Variants in HECW2 observed in about 807,000 individuals in gnomAD.
HECW2 encodes the protein HECT, C2 and WW domain containing E3 ubiquitin protein ligase 2.
A neutral mutation model predicts 175.2 loss-of-function variants in HECW2; 61 were observed. That is an observed-to-expected ratio of 0.35 (90% CI 0.28 to 0.43). The LOEUF (loss-of-function observed/expected upper bound fraction) is 0.43, where lower values mean the gene tolerates loss of function less well. Ranked by LOEUF, HECW2 falls within the 20% of genes least tolerant of loss-of-function variation. HECW2 has a pLI of 1.00. For missense variants in HECW2, 1,524 were observed against 2,000.5 expected (o/e 0.76, Z 4.54); for synonymous variants, 671 against 731.0 (o/e 0.92, Z 1.32).
At chr2:196,437,965 G>A (rs1695931592) in intron 1 of HECW2, among the ~76,000 whole-genome samples, 1 of 152,220 alleles carries the variant, frequency 6.6e-6, no homozygotes, top group Non-Finnish European at 1.5e-5. Flanking sequence ...GGATGGCGAA[G>A]AGGAGGCATG....
At chr2:196,430,929 C>T (rs116945200) in intron 2 of HECW2, among the ~76,000 whole-genome samples, 3 of 152,074 alleles carry the variant, frequency 2.0e-5, no homozygotes, top group East Asian at 3.9e-4. Flanking sequence ...CATTAACTTA[C>T]GAAGCTCAGA....
At chr2:196,546,946 G>GA (rs1402028193) in intron 1 of HECW2, among the ~76,000 whole-genome samples, 4 of 152,010 alleles carry the variant, frequency 2.6e-5, no homozygotes, top group African/African-American at 9.7e-5. Context: ...AGAGGAGAAG[G>GA]AAAAGACACA....
intron 1 of HECW2, among the ~76,000 whole-genome samples, chr2:196,531,537 C>A (rs182641944): frequency 6.6e-6 from 1 of 151,724 alleles, no homozygotes; most frequent in Admixed American, 6.6e-5. Context: ...TGATGGGCAC[C>A]GGTAATCCCA....
intron 16 of HECW2, among the ~76,000 whole-genome samples, chr2:196,272,850 T>C (rs1295104060): frequency 1.3e-5 from 2 of 151,806 alleles, no homozygotes; most frequent in African/African-American, 4.8e-5. Context: ...TATAGTGCTT[T>C]AAAATTCCAT....
intron 14 of HECW2, among the ~76,000 whole-genome samples, chr2:196,284,939 TAA>T (rs1690328062): frequency 6.6e-6 from 1 of 152,204 alleles, no homozygotes. Context: ...TCCCTAATGC[TAA>T]GTTTCATTAA....
rs541655982 is a variant in HECW2, at chr2:196,292,723, T to C, written c.2842A>G (p.Thr948Ala). 6.2e-7 allele frequency: 1 copy of C among 1,613,630 alleles called. No homozygotes were observed. Among genetic ancestry groups the C allele is most frequent in the African/African-American group, 1.3e-5 (1 of 75,046 alleles). Residue 948 changes from threonine (T) to alanine (A), a missense_variant, in exon 14 of 29, where the codon ACG becomes GCG. Physicochemically the swap from Thr to Ala is moderately conservative, Grantham distance 58 (BLOSUM62 0). This residue lies in a region of HECW2 where 291 missense variants were observed against 412.2 expected (regional missense o/e 0.71). Coordinates refer to ENST00000644978, the MANE Select transcript of HECW2 (RefSeq NM_001348768.2). ...TTGGTGATCATGTGCTTCAAACACG[T>C]GTTGTTTGTAAACATGCGGTAGGCA... is the stretch of plus-strand genomic sequence containing the variant. ...PSAYRMFTNN[T>A]CLKHMITKVR...
intron 1 of HECW2, among the ~76,000 whole-genome samples, chr2:196,521,754 T>C (rs1409536229): frequency 2.0e-5 from 3 of 150,124 alleles, no homozygotes; most frequent in Admixed American, 6.6e-5. Flanking sequence ...GTTCTTGTGA[T>C]AGTTTACTGA....
At chr2:196,578,995 T>C (rs138483639) in intron 1 of HECW2, among the ~76,000 whole-genome samples, 1,914 of 152,274 alleles carry the variant, frequency 0.013, 40 homozygotes, top group African/African-American at 0.044. Context: ...TAAATGACAA[T>C]TGCATAAAGC....
intron 1 of HECW2, among the ~76,000 whole-genome samples, chr2:196,537,039 A>G (rs893112151): frequency 6.6e-6 from 1 of 152,172 alleles, no homozygotes; most frequent in South Asian, 2.1e-4. Flanking sequence ...TTTCTGTTCA[A>G]TTTTGCCTAA....
At chr2:196,305,619 T>A (rs557370267) in intron 13 of HECW2, among the ~76,000 whole-genome samples, 5 of 152,168 alleles carry the variant, frequency 3.3e-5, no homozygotes, top group Non-Finnish European at 7.4e-5. Flanking sequence ...CGAATTTTCC[T>A]AGTATTATTA....
At chr2:196,301,888 T>C (rs1480795521) in intron 13 of HECW2, among the ~76,000 whole-genome samples, 1 of 152,212 alleles carries the variant, frequency 6.6e-6, no homozygotes, top group Non-Finnish European at 1.5e-5. Flanking sequence ...TTTAGTTTAA[T>C]TAGATCCCAT....
At chr2:196,375,766 T>C (rs1046550144) in intron 2 of HECW2, among the ~76,000 whole-genome samples, 2 of 152,230 alleles carry the variant, frequency 1.3e-5, no homozygotes, top group Non-Finnish European at 2.9e-5. Flanking sequence ...ATTTTTCTAA[T>C]GGAGATTGTC....
Position 196,319,086 on chromosome 2 carries a change from C to G in HECW2, c.1804G>C (p.Asp602His). The G allele has an allele frequency of 6.2e-7, 1 of 1,604,074 alleles. No individual in the cohort carries two copies. Among genetic ancestry groups the G allele is most frequent in the Non-Finnish European group, 8.5e-7 (1 of 1,175,370 alleles). The change falls in exon 9 of 29, where the codon GAT (aspartate) becomes CAT (histidine). Residue 602 changes from aspartate to histidine, a missense_variant. This residue lies in a region of HECW2 where 604 missense variants were observed against 588.3 expected (regional missense o/e 1.03). Transcript: ENST00000644978. ...ACCTGGGAAGGCTCAGAGCCCTGAT[C>G]GAGAGACTCGGTCTCACTGACGGCT... ...RRAVSETESL[D>H]QGSEPSQVSS...
At chr2:196,536,592 A>G (rs1483849507) in intron 1 of HECW2, among the ~76,000 whole-genome samples, 3 of 152,208 alleles carry the variant, frequency 2.0e-5, no homozygotes, top group South Asian at 4.1e-4. Flanking sequence ...TAACCACTAG[A>G]GTCTGCCATT....
chr2:196,256,693 T>G (rs1311221157), intron 18 of HECW2, among the ~76,000 whole-genome samples: 1 of 151,936 alleles, frequency 6.6e-6, no homozygotes. Context: ...AACCAAACCA[T>G]GATAGAAACA....
chr2:196,491,154 A>G (rs1687170576), intron 1 of HECW2, among the ~76,000 whole-genome samples: 1 of 152,126 alleles, frequency 6.6e-6, no homozygotes, highest in Non-Finnish European at 1.5e-5. Flanking sequence ...TACACAGACC[A>G]TTTAAAAATA....
intron 2 of HECW2, among the ~76,000 whole-genome samples, chr2:196,400,028 T>A (rs1283918809): frequency 6.6e-6 from 1 of 152,234 alleles, no homozygotes; most frequent in Admixed American, 6.5e-5. Context: ...CCTGCTAAAA[T>A]AATAAAATAT....
rs778764644 is a variant in HECW2, at chr2:196,308,019, G to T, written c.2501C>A (p.Thr834Lys). 1 of 1,603,060 alleles carries T rather than the reference G, an allele frequency of 6.2e-7. No individual in the cohort carries two copies. Among genetic ancestry groups the T allele is most frequent in the Non-Finnish European group, 8.5e-7 (1 of 1,171,938 alleles). The change falls in exon 11 of 29, where the codon ACG (threonine) becomes AAG (lysine). Residue 834 changes from threonine to lysine, a missense_variant. Thr to Lys is a moderately conservative substitution (Grantham distance 78). Coordinates refer to ENST00000644978, the MANE Select transcript of HECW2 (RefSeq NM_001348768.2). ...FYVDHVNRTT[T>K]WQRPTAPPAP... is the part of the protein sequence containing the mutation. Reference sequence around the variant, plus strand: ...TGGGGGAGCTGTCGGTCGCTGCCACGTCGTGGTTCTGTTTACGTGATCCAC... The same window carrying T: ...TGGGGGAGCTGTCGGTCGCTGCCACTTCGTGGTTCTGTTTACGTGATCCAC...
chr2:196,463,383 C>CCCA (rs964296853), intron 1 of HECW2, among the ~76,000 whole-genome samples: 1 of 149,262 alleles, frequency 6.7e-6, no homozygotes, highest in African/African-American at 2.5e-5. Context: ...CTGCACACCA[C>CCCA]CCACCACCAC....
Sources: allele counts gnomAD v4.1 joint callset (sites outside exome capture counted in the v4.1 genomes callset), GRCh38; gene constraint gnomAD v4.1.1; regional missense constraint gnomAD v4.1.1; transcripts MANE v1.5; gene names NCBI Gene and HGNC (gene_info 2026-07-23, HGNC 2026-07-21).